The following GUCY2F variants were observed in gnomAD, a reference collection of about 807,000 sequenced individuals.
GUCY2F encodes the protein guanylate cyclase 2F, retinal, also known as retinal guanylyl cyclase 2.
Under a neutral mutation model 73.1 loss-of-function variants are expected in GUCY2F, and 61 were observed. That is an observed-to-expected ratio of 0.83 (90% CI 0.68 to 1.03). The LOEUF (loss-of-function observed/expected upper bound fraction) is 1.03. Ranked by LOEUF, GUCY2F falls within the 50% of genes least tolerant of loss-of-function variation. The probability of loss-of-function intolerance (pLI) is 0.00; values close to 1 mark genes in which losing one functional copy is unlikely to be tolerated. For missense variants in GUCY2F, 912 were observed against 854.3 expected, an observed-to-expected ratio of 1.07 and a Z score of -0.84; for synonymous variants, 331 against 307.8, an observed-to-expected ratio of 1.08 and a Z score of -0.79.
At chrX:109,376,690 A>G (rs191920154) in intron 17 of GUCY2F, among the ~76,000 whole-genome samples, 40 of 110,910 alleles carry the variant, frequency 3.6e-4, no homozygotes, top group African/African-American at 9.5e-4. Context: ...GTAGGGTAAG[A>G]CTCCAGGTTG....
chrX:109,461,004 T>C (rs1483713306), intron 3 of GUCY2F, among the ~76,000 whole-genome samples: 1 of 111,935 alleles, frequency 8.9e-6, no homozygotes, highest in Non-Finnish European at 1.9e-5. Flanking sequence ...AACCATATTA[T>C]TTCATGTGGA....
In GUCY2F at chrX:109,479,620, T is replaced by C. The variant is rs145285487; in HGVS notation, c.-86+2246A>G. ...ACTGCTGAGTTCATTCAACATTTTC[T>C]AGCCTTTGCTGCTCTAATTAGCTTC... On this transcript the variant is annotated intron_variant, in intron 1 of 19. Coordinates refer to ENST00000218006, the MANE Select transcript of GUCY2F (RefSeq NM_001522.3). 8.0e-3 allele frequency among the ~76,000 whole-genome samples: 895 copies of C among 112,320 alleles called. 6 individuals carry two copies. The highest frequency in any genetic ancestry group is 0.027 in the African/African-American group (824 of 30,879).
chrX:109,477,876 T>C (rs893816664), intron 1 of GUCY2F, among the ~76,000 whole-genome samples: 2 of 111,774 alleles, frequency 1.8e-5, no homozygotes, highest in African/African-American at 3.3e-5. Context: ...TAGTGAATCT[T>C]AAAGACCTAC....
rs1429292337 is a variant in GUCY2F at position 109,475,461 on chromosome X, T to C, written c.476A>G (p.Lys159Arg). 8.3e-7 allele frequency: 1 copy of C among 1,211,095 alleles called. No individual in the cohort carries two copies. Among genetic ancestry groups the C allele is most frequent in the Admixed American group, 2.2e-5 (1 of 46,025 alleles). ...CCGAGAAAAGGTCGGGTAGCTAATTTTATTGTCTAATTCATAATTCACACA... is the reference window on the plus strand; with the variant it reads ...CCGAGAAAAGGTCGGGTAGCTAATTCTATTGTCTAATTCATAATTCACACA... ...WACVNYELDN[K>R]ISYPTFSRTL... Residue 159 changes from lysine (K) to arginine (R), a missense_variant, in exon 2 of 20, where the codon AAA becomes AGA. Transcript: ENST00000218006.
chrX:109,384,589 A>C (rs1834581869), intron 16 of GUCY2F, among the ~76,000 whole-genome samples: 1 of 111,901 alleles, frequency 8.9e-6, no homozygotes, highest in African/African-American at 3.3e-5. Context: ...TTTTGATAGA[A>C]GCTAAGGGTT....
At chrX:109,415,128 G>A (rs1022824119) in intron 8 of GUCY2F, among the ~76,000 whole-genome samples, 3 of 110,830 alleles carry the variant, frequency 2.7e-5, no homozygotes, top group East Asian at 2.8e-4. Context: ...GGGACATGTA[G>A]GTGCAAAAAA....
intron 7 of GUCY2F, among the ~76,000 whole-genome samples, chrX:109,433,800 A>G (rs1212444284): frequency 9.0e-6 from 1 of 111,494 alleles, no homozygotes; most frequent in Non-Finnish European, 1.9e-5. Flanking sequence ...TAATAAGGGG[A>G]AAGAGCACTA....
rs1223560459 is a variant in GUCY2F, at chrX:109,438,780, A to G, written c.1701+2571T>C. Reference sequence around the variant, plus strand: ...GGTGGCTTTACAGGTCTGGGGTGTCAAGGGTGGCCATGTCCCAAAGCCCCA... The same window carrying G: ...GGTGGCTTTACAGGTCTGGGGTGTCGAGGGTGGCCATGTCCCAAAGCCCCA... On this transcript the variant is annotated intron_variant, in intron 7 of 19. Coordinates refer to ENST00000218006, the MANE Select transcript of GUCY2F (RefSeq NM_001522.3). Among the ~76,000 whole-genome samples the G allele has an allele frequency of 5.3e-5, 6 of 112,593 alleles. No individual in the cohort carries two copies. The Admixed American group carries it at 5.6e-4, about 11-fold the overall frequency.
In GUCY2F at chrX:109,441,380, A is replaced by G; in HGVS notation, c.1672T>C (p.Tyr558His). ...TAAATCGCTATGTTGGAGTTTTCAT[A>G]GGTAGCTGGAGTTAGACTCCCTGAA... ...FSSGSLTPATYENSNIAIYEG... is the reference protein window; with the variant it reads ...FSSGSLTPATHENSNIAIYEG... The change falls in exon 7 of 20, where the codon TAT (tyrosine) becomes CAT (histidine). Residue 558 changes from tyrosine (Y) to histidine (H), a missense_variant. Coordinates refer to ENST00000218006, the MANE Select transcript of GUCY2F (RefSeq NM_001522.3). 1 of 1,153,351 alleles carries G rather than the reference A, an allele frequency of 8.7e-7. No homozygotes were observed. The highest frequency in any genetic ancestry group is 2.0e-5 in the South Asian group (1 of 49,815).
Position 109,416,378 on chromosome X carries a change from G to A in GUCY2F, c.1792-7210C>T, listed in dbSNP as rs1308168553. 6.3e-5 allele frequency among the ~76,000 whole-genome samples: 7 copies of A among 110,710 alleles called. No individual in the cohort carries two copies. The East Asian group carries it at 2.0e-3, about 31-fold the overall frequency. On this transcript the variant is annotated intron_variant, in intron 8 of 19. Coordinates refer to ENST00000218006, the MANE Select transcript of GUCY2F (RefSeq NM_001522.3). ...AAGAAACTATAAATATGAACCAATT[G>A]GAAAGTATATAGCTGGAAAATATAA... is the stretch of plus-strand genomic sequence containing the variant.
At chrX:109,404,522 T>G in intron 9 of GUCY2F, 38 bp from the exon 10 acceptor site, 1 of 1,030,867 alleles carries the variant, frequency 9.7e-7, no homozygotes, top group African/African-American at 1.9e-5. Context: ...AGCAACTCAT[T>G]TAACTATTTT....
At position 109,414,226 on chromosome X, in the gene GUCY2F, C is replaced by A. The variant is rs190882826; in HGVS notation, c.1792-5058G>T. ...ACCTCAGGTGAGCCGCCCACCTCGG[C>A]CTCCCAAAGTGCTGGGATTACAGGC... On this transcript the variant is annotated intron_variant, in intron 8 of 19. Transcript: ENST00000218006. Among the ~76,000 whole-genome samples, 28 of 112,024 alleles carry A rather than the reference C, an allele frequency of 2.5e-4. No homozygotes were observed. In the East Asian group the frequency reaches 7.6e-3, roughly 30 times the overall value.
rs1932064536 is a variant in GUCY2F at position 109,448,166 on chromosome X, C to T, written c.1473-1G>A. The T allele has an allele frequency of 4.1e-6, 4 of 986,418 alleles. No individual in the cohort carries two copies. Among genetic ancestry groups the T allele is most frequent in the Non-Finnish European group, 5.8e-6 (4 of 691,501 alleles). The allele number at this position is 986,418 out of a possible 1,213,427, so 81.3% of individuals were successfully genotyped here. A position where few individuals can be genotyped will look rare whatever the true frequency, so the allele number is the denominator to read the frequency against. On this transcript the variant is annotated splice_acceptor_variant, in intron 5 of 19. Coordinates refer to ENST00000218006, the MANE Select transcript of GUCY2F (RefSeq NM_001522.3). LOFTEE classifies it high-confidence loss of function. ...CAACTGGATTTTATTTATACGACGCCTAAAACAAACATGAAATCAGAGGGT... is the reference window on the plus strand; with the variant it reads ...CAACTGGATTTTATTTATACGACGCTTAAAACAAACATGAAATCAGAGGGT...
rs1277409966 is a variant in GUCY2F at position 109,429,911 on chromosome X, T to A, written c.1791+396A>T. On this transcript the variant is annotated intron_variant, in intron 8 of 19. Coordinates refer to ENST00000218006, the MANE Select transcript of GUCY2F (RefSeq NM_001522.3). ...TGATGGGATATTTACTTGATAATAA[T>A]CATAATAGCTACCACTTGATAAAGA... is the stretch of plus-strand genomic sequence containing the variant. Among the ~76,000 whole-genome samples the A allele has an allele frequency of 3.6e-5, 4 of 112,569 alleles. No homozygotes were observed. In the East Asian group the frequency reaches 1.1e-3, roughly 31 times the overall value.
chrX:109,459,130 T>C (rs1418583760), intron 3 of GUCY2F, among the ~76,000 whole-genome samples: 1 of 111,220 alleles, frequency 9.0e-6, no homozygotes, highest in Non-Finnish European at 1.9e-5. Flanking sequence ...CTCTCAAACA[T>C]CACTCTCAAA....
chrX:109,397,991 C>G (rs1233053911), intron 11 of GUCY2F, among the ~76,000 whole-genome samples: 1 of 111,483 alleles, frequency 9.0e-6, no homozygotes, highest in Non-Finnish European at 1.9e-5. Flanking sequence ...CTACAGGATC[C>G]TCTACTTGTA....
At chrX:109,433,320 G>A (rs779206535) in intron 7 of GUCY2F, among the ~76,000 whole-genome samples, 7 of 111,725 alleles carry the variant, frequency 6.3e-5, no homozygotes, top group Admixed American at 9.5e-5. Context: ...AGGGTCATAG[G>A]TATCCATAAC....
chrX:109,389,728 A>G lies in GUCY2F; in HGVS notation c.2782-1065T>C, dbSNP rs977879547. Among the ~76,000 whole-genome samples the G allele has an allele frequency of 2.7e-5, 3 of 111,695 alleles. No individual in the cohort carries two copies. The Admixed American group carries it at 2.8e-4, about 11-fold the overall frequency. On this transcript the variant is annotated intron_variant, in intron 14 of 19. Transcript: ENST00000218006. ...GCCTATTGGATGATACTATATAATT[A>G]GTTCAAGCTATCACCATCATCATCA...
intron 8 of GUCY2F, among the ~76,000 whole-genome samples, chrX:109,413,628 A>G (rs1290839911): frequency 3.6e-5 from 4 of 110,703 alleles, no homozygotes; most frequent in Non-Finnish European, 7.6e-5. Flanking sequence ...CTGGTCTCGA[A>G]CTCCTAAACT....
Sources: gnomAD v4.1 joint callset for allele counts (sites outside exome capture counted in the v4.1 genomes callset) on GRCh38, gnomAD v4.1.1 for gene constraint, MANE v1.5 for transcripts, NCBI Gene and HGNC (gene_info 2026-07-23, HGNC 2026-07-21) for gene names.